Variants in PHACTR1 observed in about 807,000 individuals in gnomAD.
PHACTR1 encodes RPEL repeat containing 1.
A neutral mutation model predicts 69.2 loss-of-function variants in PHACTR1; 16 were observed. The ratio of observed to expected loss-of-function variants is 0.23; its 90% CI spans 0.16 to 0.35. PHACTR1 has a LOEUF of 0.35. Among genes scored for constraint, PHACTR1 ranks in the 10% least tolerant of loss-of-function variants. The probability of loss-of-function intolerance (pLI) is 1.00; values close to 1 mark genes in which losing one functional copy is unlikely to be tolerated. For missense variants in PHACTR1, 510 were observed against 734.7 expected, an observed-to-expected ratio of 0.69 and a Z score of 3.54; for synonymous variants, 312 against 284.5, an observed-to-expected ratio of 1.10 and a Z score of -0.97.
chr6:13,264,695 G>C (rs1416754824), intron 10 of PHACTR1, among the ~76,000 whole-genome samples: 1 of 152,032 alleles, frequency 6.6e-6, no homozygotes, highest in Non-Finnish European at 1.5e-5. Context: ...CTCCAGCCTG[G>C]GCCACAGAGT....
chr6:13,040,310 C>T (rs184478003), intron 4 of PHACTR1, among the ~76,000 whole-genome samples: 230 of 152,096 alleles, frequency 1.5e-3, no homozygotes, highest in African/African-American at 4.7e-3. Flanking sequence ...TTTTTCTTTC[C>T]TTGACCTGTT....
At chr6:13,211,983 G>C (rs899179446) in intron 8 of PHACTR1, among the ~76,000 whole-genome samples, 3 of 152,228 alleles carry the variant, frequency 2.0e-5, no homozygotes, top group African/African-American at 7.2e-5. Context: ...CTGGACGCTA[G>C]AAGTCCGAGA....
At chr6:12,924,793 AAT>A (rs1036371670) in intron 4 of PHACTR1, among the ~76,000 whole-genome samples, 12 of 145,776 alleles carry the variant, frequency 8.2e-5, no homozygotes, top group South Asian at 6.5e-4. Flanking sequence ...AAAAAAAAAA[AAT>A]TTAAACTATA....
chr6:12,842,303 A>G (rs1021267476), intron 4 of PHACTR1, among the ~76,000 whole-genome samples: 7 of 152,182 alleles, frequency 4.6e-5, no homozygotes, highest in South Asian at 4.1e-4. Flanking sequence ...AGTGTGGCAC[A>G]CTACATAGAC....
At chr6:13,230,289 T>C (rs776783977) in intron 10 of PHACTR1, 96 bp downstream of exon 10, 2 of 1,539,750 alleles carry the variant, frequency 1.3e-6, no homozygotes, top group Admixed American at 2.0e-5. Context: ...CAGTAGCTTA[T>C]GCCTGTAATC....
chr6:12,964,870 C>T (rs533909398), intron 4 of PHACTR1, among the ~76,000 whole-genome samples: 2 of 152,290 alleles, frequency 1.3e-5, no homozygotes, highest in Non-Finnish European at 2.9e-5. Context: ...AGCTGTTCCT[C>T]ATTTTTCCAA....
intron 12 of PHACTR1, chr6:13,281,086 G>A (rs1391116344): frequency 7.0e-6 from 9 of 1,289,426 alleles, no homozygotes; most frequent in East Asian, 1.1e-4. Flanking sequence ...CCAAGGCCCC[G>A]CGATGTTCAG....
At chr6:13,172,600 T>C (rs1356701708) in intron 6 of PHACTR1, among the ~76,000 whole-genome samples, 1 of 152,204 alleles carries the variant, frequency 6.6e-6, no homozygotes, top group Non-Finnish European at 1.5e-5. Context: ...TGAAACAAGC[T>C]ACCCAGGGTC....
chr6:13,161,268 G>A (rs550346562), intron 6 of PHACTR1, among the ~76,000 whole-genome samples: 28 of 152,236 alleles, frequency 1.8e-4, no homozygotes, highest in South Asian at 1.7e-3. Context: ...GTGAGCCACC[G>A]CGCCCGGCCT....
At chr6:13,097,740 T>A (rs1814509667) in intron 5 of PHACTR1, among the ~76,000 whole-genome samples, 1 of 152,120 alleles carries the variant, frequency 6.6e-6, no homozygotes, top group Admixed American at 6.5e-5. Context: ...ATATTCACTT[T>A]CCTTTTGTAC....
At chr6:12,941,868 G>C (rs1790095765) in intron 4 of PHACTR1, among the ~76,000 whole-genome samples, 1 of 152,246 alleles carries the variant, frequency 6.6e-6, no homozygotes, top group East Asian at 1.9e-4. Flanking sequence ...TCATTATATG[G>C]GGCTTGCAAT....
chr6:13,110,817 A>C (rs534393925), intron 5 of PHACTR1, among the ~76,000 whole-genome samples: 215 of 152,258 alleles, frequency 1.4e-3, no homozygotes, highest in African/African-American at 5.0e-3. Context: ...CCAGGTTCCT[A>C]CTTTTTTACA....
chr6:12,804,947 T>C (rs2127684015), intron 4 of PHACTR1, among the ~76,000 whole-genome samples: 1 of 152,322 alleles, frequency 6.6e-6, no homozygotes, highest in African/African-American at 2.4e-5. Flanking sequence ...TGTATACTAG[T>C]GATTACCACT....
chr6:12,989,551 T>G (rs982240657), intron 4 of PHACTR1, among the ~76,000 whole-genome samples: 4 of 152,220 alleles, frequency 2.6e-5, no homozygotes, highest in African/African-American at 9.6e-5. Flanking sequence ...AACTCCCATA[T>G]TGGTGACTTT....
intron 4 of PHACTR1, among the ~76,000 whole-genome samples, chr6:12,769,154 G>A (rs149480551): frequency 1.6e-3 from 236 of 152,166 alleles, no homozygotes; most frequent in African/African-American, 5.3e-3. Context: ...TACACAGTAG[G>A]GTGACTATAG....
At chr6:13,278,778 T>C (rs1584413211) in intron 12 of PHACTR1, among the ~76,000 whole-genome samples, 1 of 151,936 alleles carries the variant, frequency 6.6e-6, no homozygotes, top group East Asian at 1.9e-4. Context: ...GGCAACATGG[T>C]AAAATGCTGT....
At chr6:13,151,857 T>G (rs1239594762) in intron 5 of PHACTR1, among the ~76,000 whole-genome samples, 1 of 152,150 alleles carries the variant, frequency 6.6e-6, no homozygotes, top group African/African-American at 2.4e-5. Flanking sequence ...TGAAAAGGAC[T>G]GTTTTCTCTT....
At chr6:13,281,159 G>A (rs1203077246) in intron 12 of PHACTR1, 1 of 1,268,572 alleles carries the variant, frequency 7.9e-7, no homozygotes, top group East Asian at 5.6e-5. Context: ...TCCAGACTCT[G>A]CCATAGATAG....
At chr6:12,720,273 C>T (rs760621306) in intron 3 of PHACTR1, among the ~76,000 whole-genome samples, 17 of 152,340 alleles carry the variant, frequency 1.1e-4, no homozygotes, top group Non-Finnish European at 1.6e-4. Context: ...AATAATGCTC[C>T]GTAGCGGGGT....
Sources: allele counts gnomAD v4.1 joint callset (sites outside exome capture counted in the v4.1 genomes callset), GRCh38; gene constraint gnomAD v4.1.1; transcripts MANE v1.5; gene names NCBI Gene and HGNC (gene_info 2026-07-23, HGNC 2026-07-21).